Variants in RGS7 observed in about 807,000 individuals in gnomAD.
RGS7 encodes the protein regulator of G protein signaling 7, also known as regulator of G-protein signaling 7.
RGS7 carries 27 observed loss-of-function variants against 81.1 expected under a neutral mutation model. The observed-to-expected ratio is 0.33, with a 90% CI of 0.25 to 0.46. The LOEUF (loss-of-function observed/expected upper bound fraction) is 0.46, where lower values mean the gene tolerates loss of function less well. Among genes scored for constraint, RGS7 ranks in the 20% least tolerant of loss-of-function variants. The probability of loss-of-function intolerance (pLI) is 1.00; values close to 1 mark genes in which losing one functional copy is unlikely to be tolerated. For missense variants in RGS7, 396 were observed against 607.4 expected (o/e 0.65, Z 3.66); for synonymous variants, 208 against 207.7 (o/e 1.00, Z -0.01).
chr1:240,908,165 A>G lies in RGS7; in HGVS notation c.385+22552T>C, dbSNP rs573022206. Reference sequence around the variant, plus strand: ...CTGAACAATGAGAACACCTGGACACAGGGCGAGGAACATCACACACCGGGG... The same window carrying G: ...CTGAACAATGAGAACACCTGGACACGGGGCGAGGAACATCACACACCGGGG... On this transcript the variant is annotated intron_variant, in intron 6 of 18. Coordinates refer to ENST00000440928, the MANE Select transcript of RGS7 (RefSeq NM_001364886.1). 2.3e-4 allele frequency among the ~76,000 whole-genome samples: 28 copies of G among 122,746 alleles called. No homozygotes were observed. The East Asian group carries it at 4.6e-3, about 20-fold the overall frequency. The allele number at this position is 122,746 out of a possible 152,430, so 80.5% of individuals were successfully genotyped here.
chr1:240,827,884 A>AC (rs1693154395), intron 9 of RGS7, among the ~76,000 whole-genome samples: 1 of 150,254 alleles, frequency 6.7e-6, no homozygotes, highest in African/African-American at 2.5e-5. Context: ...AAAAAAAAAA[A>AC]AAAACAGGCT....
intron 6 of RGS7, among the ~76,000 whole-genome samples, chr1:240,930,221 G>GTTT (rs1675172421): frequency 8.7e-6 from 1 of 114,352 alleles, no homozygotes; most frequent in African/African-American, 3.7e-5. Context: ...TTCTTTTTTA[G>GTTT]CTTTTTTTTT....
At chr1:241,023,445 C>T (rs1478361445) in intron 3 of RGS7, among the ~76,000 whole-genome samples, 1 of 152,140 alleles carries the variant, frequency 6.6e-6, no homozygotes, top group Non-Finnish European at 1.5e-5. Flanking sequence ...ACAGTGCTTC[C>T]CAGTCTCCCA....
At chr1:241,096,778 G>A (rs1572674350) in intron 3 of RGS7, among the ~76,000 whole-genome samples, 1 of 152,152 alleles carries the variant, frequency 6.6e-6, no homozygotes, top group East Asian at 1.9e-4. Flanking sequence ...TCACAAAATT[G>A]CAGCCAAACT....
chr1:241,275,068 A>G (rs2078121878), intron 2 of RGS7, among the ~76,000 whole-genome samples: 1 of 152,238 alleles, frequency 6.6e-6, no homozygotes, highest in African/African-American at 2.4e-5. Flanking sequence ...AAGTGCACTT[A>G]TGGCATCAAA....
At chr1:241,152,632 G>A (rs1476407567) in intron 2 of RGS7, among the ~76,000 whole-genome samples, 1 of 152,182 alleles carries the variant, frequency 6.6e-6, no homozygotes, top group Non-Finnish European at 1.5e-5. Context: ...GAAATGGTAG[G>A]AGGATGTCAT....
At chr1:240,974,883 T>C (rs1683820029) in intron 4 of RGS7, among the ~76,000 whole-genome samples, 1 of 151,996 alleles carries the variant, frequency 6.6e-6, no homozygotes, top group African/African-American at 2.4e-5. Context: ...AAACATGGTA[T>C]TAAAAGCACT....
chr1:241,295,924 G>A (rs1053876296), intron 2 of RGS7, among the ~76,000 whole-genome samples: 2 of 152,202 alleles, frequency 1.3e-5, no homozygotes, highest in African/African-American at 2.4e-5. Flanking sequence ...ACTGAAGAAG[G>A]CTTTGAAGGC....
At chr1:241,168,236 T>C (rs1414605057) in intron 2 of RGS7, among the ~76,000 whole-genome samples, 1 of 152,096 alleles carries the variant, frequency 6.6e-6, no homozygotes, top group East Asian at 1.9e-4. Context: ...CCAGCAAATA[T>C]GGTGGATTCA....
intron 4 of RGS7, among the ~76,000 whole-genome samples, chr1:240,945,826 A>G (rs1386367838): frequency 6.6e-6 from 1 of 152,220 alleles, no homozygotes; most frequent in African/African-American, 2.4e-5. Flanking sequence ...ATAAAAGCAC[A>G]TGTATTTATC....
At chr1:241,079,547 G>A (rs964446623) in intron 3 of RGS7, among the ~76,000 whole-genome samples, 1 of 152,076 alleles carries the variant, frequency 6.6e-6, no homozygotes, top group Non-Finnish European at 1.5e-5. Context: ...CTAAGGACAG[G>A]GACAGTGAGA....
At chr1:240,909,181 A>G (rs907537649) in intron 6 of RGS7, among the ~76,000 whole-genome samples, 6 of 152,168 alleles carry the variant, frequency 3.9e-5, no homozygotes, top group Admixed American at 3.9e-4. Context: ...TTATGAATTT[A>G]AGTTGAAAAT....
At chr1:241,349,385 TG>T (rs2083097279) in intron 2 of RGS7, among the ~76,000 whole-genome samples, 1 of 152,208 alleles carries the variant, frequency 6.6e-6, no homozygotes, top group South Asian at 2.1e-4. Context: ...TTCACAAAAC[TG>T]CCATTTCCTA....
In RGS7 at chr1:241,262,968, G is replaced by A. The variant is rs548989915; in HGVS notation, c.78+92731C>T. Among the ~76,000 whole-genome samples, 11 of 151,952 alleles carry A rather than the reference G, an allele frequency of 7.2e-5. No homozygotes were observed. In the South Asian group the frequency reaches 1.3e-3, roughly 17 times the overall value. On this transcript the variant is annotated intron_variant, in intron 2 of 18. Coordinates refer to ENST00000440928, the MANE Select transcript of RGS7 (RefSeq NM_001364886.1). Reference sequence around the variant, plus strand: ...ACAAAAATTAGCCAGGCATGGTGGCGGACACCTGTAATCCCAGCTACTCTG... The same window carrying A: ...ACAAAAATTAGCCAGGCATGGTGGCAGACACCTGTAATCCCAGCTACTCTG...
At chr1:240,984,949 G>T (rs1465522846) in intron 3 of RGS7, among the ~76,000 whole-genome samples, 1 of 152,158 alleles carries the variant, frequency 6.6e-6, no homozygotes. Context: ...TTGAACTTGT[G>T]TTCCTTTTAC....
rs1572160170 is a variant in RGS7 at position 240,803,483 on chromosome 1, C to T, written c.1270-490G>A. 2.0e-5 allele frequency among the ~76,000 whole-genome samples: 3 copies of T among 152,224 alleles called. No individual in the cohort carries two copies. The South Asian group carries it at 6.2e-4, about 32-fold the overall frequency. ...TACAAATTGCATGGAAAATTGTCTT[C>T]CATACCCACTTTGGGTCAGAGCACA... On this transcript the variant is annotated intron_variant, in intron 15 of 18. Transcript: ENST00000440928.
intron 2 of RGS7, among the ~76,000 whole-genome samples, chr1:241,302,928 G>T (rs962615033): frequency 6.6e-6 from 1 of 151,690 alleles, no homozygotes; most frequent in Non-Finnish European, 1.5e-5. Flanking sequence ...GTCCGGTAGC[G>T]GTTAAATCAG....
intron 2 of RGS7, among the ~76,000 whole-genome samples, chr1:241,224,229 A>C: frequency 6.6e-6 from 1 of 151,626 alleles, no homozygotes. Flanking sequence ...TAATTCTCCA[A>C]TGCTATCCCA....
chr1:240,899,910 A>C (rs71648630), intron 6 of RGS7, among the ~76,000 whole-genome samples: 19,458 of 152,096 alleles, frequency 0.13, 1,360 homozygotes, highest in Middle Eastern at 0.18. Flanking sequence ...CTCCCTGTCA[A>C]TTTCAGATAC....
Sources: gnomAD v4.1 joint callset for allele counts (sites outside exome capture counted in the v4.1 genomes callset) on GRCh38, gnomAD v4.1.1 for gene constraint, MANE v1.5 for transcripts, NCBI Gene and HGNC (gene_info 2026-07-23, HGNC 2026-07-21) for gene names.